Variants in NBEA observed in about 807,000 individuals in gnomAD.
NBEA encodes the protein neurobeachin.
A neutral mutation model predicts 343.4 loss-of-function variants in NBEA; 44 were observed. The ratio of observed to expected loss-of-function variants is 0.13; its 90% CI spans 0.10 to 0.16. The LOEUF (loss-of-function observed/expected upper bound fraction) is 0.16. Ranked by LOEUF, NBEA falls within the 10% of genes least tolerant of loss-of-function variation. The probability of loss-of-function intolerance (pLI) is 1.00; values close to 1 mark genes in which losing one functional copy is unlikely to be tolerated. For missense variants in NBEA, 2,555 were observed against 3,631.3 expected, an observed-to-expected ratio of 0.70 and a Z score of 7.62; for synonymous variants, 1,175 against 1,238.7, an observed-to-expected ratio of 0.95 and a Z score of 1.08.
chr13:35,293,126 A>G (rs532470396), intron 35 of NBEA, among the ~76,000 whole-genome samples: 36 of 152,070 alleles, frequency 2.4e-4, no homozygotes, highest in Admixed American at 1.5e-3. Flanking sequence ...GTTTGTGCCC[A>G]AAATATGGTC....
intron 2 of NBEA, among the ~76,000 whole-genome samples, chr13:35,041,593 A>G (rs935809322): frequency 6.6e-6 from 1 of 152,054 alleles, no homozygotes; most frequent in Admixed American, 6.6e-5. Context: ...AGGAGGTACT[A>G]AAAGCCTTAT....
chr13:35,004,378 T>C (rs900045019), intron 1 of NBEA, among the ~76,000 whole-genome samples: 14 of 152,174 alleles, frequency 9.2e-5, no homozygotes, highest in African/African-American at 3.4e-4. Flanking sequence ...TGCTTTGTCT[T>C]CTAATGTAGA....
Position 35,438,425 on chromosome 13 carries a change from A to G in NBEA, c.6304+6032A>G, listed in dbSNP as rs189298081. On this transcript the variant is annotated intron_variant, in intron 39 of 58. Coordinates refer to ENST00000379939, the MANE Select transcript of NBEA (RefSeq NM_001385012.1). ...AGAAAAATACTAAGACAGCTATACAATTGTTGAGAAAGAAGCTATCAAGTA... is the reference window on the plus strand; with the variant it reads ...AGAAAAATACTAAGACAGCTATACAGTTGTTGAGAAAGAAGCTATCAAGTA... Among the ~76,000 whole-genome samples the G allele has an allele frequency of 7.9e-5, 12 of 152,364 alleles. No individual in the cohort carries two copies. In the East Asian group the frequency reaches 2.1e-3, roughly 27 times the overall value.
intron 10 of NBEA, among the ~76,000 whole-genome samples, chr13:35,080,155 G>A (rs74051243): frequency 6.6e-6 from 1 of 151,974 alleles, no homozygotes; most frequent in Non-Finnish European, 1.5e-5. Context: ...GAGAGTATAG[G>A]GGTCATGTAC....
At chr13:35,161,131 A>G (rs779260239) in intron 22 of NBEA, among the ~76,000 whole-genome samples, 1 of 152,190 alleles carries the variant, frequency 6.6e-6, no homozygotes, top group Non-Finnish European at 1.5e-5. Context: ...AGCATATTGA[A>G]TTAGATACAG....
At position 35,056,042 on chromosome 13, in the gene NBEA, T is replaced by C; in HGVS notation, c.1005T>C (p.Asn335=). 1 of 1,605,102 alleles carries C rather than the reference T, an allele frequency of 6.2e-7. No individual in the cohort carries two copies. Among genetic ancestry groups the C allele is most frequent in the Non-Finnish European group, 8.5e-7 (1 of 1,174,948 alleles). ...TGATCAGCATTGTCCACATTTACAA[T>C]CGATGGAGGAACAGTGAAATTCGGT... ...WYMISIVHIY[N]RWRNSEIRCY... Residue 335 remains asparagine (N), a synonymous_variant, in exon 7 of 59, where the codon AAT becomes AAC. Coordinates refer to ENST00000379939, the MANE Select transcript of NBEA (RefSeq NM_001385012.1).
intron 16 of NBEA, 83 bp from the exon 17 acceptor site, chr13:35,123,399 G>A (rs2066906386): frequency 7.7e-6 from 5 of 647,066 alleles, no homozygotes; most frequent in Non-Finnish European, 1.2e-5. Context: ...TTTCACATAT[G>A]TATAATTTAT....
chr13:35,365,071 TG>T (rs1236367513), intron 38 of NBEA, among the ~76,000 whole-genome samples: 1 of 151,718 alleles, frequency 6.6e-6, no homozygotes, highest in Non-Finnish European at 1.5e-5. Context: ...GTCTGTTATT[TG>T]ACATGAAGGA....
At chr13:35,285,476 T>C (rs1430783273) in intron 34 of NBEA, among the ~76,000 whole-genome samples, 1 of 152,152 alleles carries the variant, frequency 6.6e-6, no homozygotes, top group African/African-American at 2.4e-5. Context: ...AGGAGAAATA[T>C]TGTCTATAAT....
intron 10 of NBEA, among the ~76,000 whole-genome samples, chr13:35,084,399 A>C (rs990254743): frequency 6.6e-5 from 10 of 152,234 alleles, no homozygotes; most frequent in Admixed American, 1.3e-4. Flanking sequence ...ACCACAGTGC[A>C]GTCAAACTAG....
intron 41 of NBEA, among the ~76,000 whole-genome samples, chr13:35,503,560 T>A (rs1170730326): frequency 6.6e-6 from 1 of 152,022 alleles, no homozygotes; most frequent in Non-Finnish European, 1.5e-5. Context: ...TTCTCTATTT[T>A]AAATACTGTA....
At chr13:35,142,715 C>T (rs1027190762) in intron 18 of NBEA, among the ~76,000 whole-genome samples, 9 of 151,978 alleles carry the variant, frequency 5.9e-5, no homozygotes, top group Non-Finnish European at 1.0e-4. Context: ...TTTATCCTCT[C>T]GTTCCTACTC....
chr13:35,432,820 T>C (rs1041680311), intron 39 of NBEA, among the ~76,000 whole-genome samples: 3 of 152,038 alleles, frequency 2.0e-5, no homozygotes, highest in African/African-American at 7.2e-5. Flanking sequence ...TGCATTAATA[T>C]ACATATACAC....
At position 35,290,467 on chromosome 13, in the gene NBEA, A is replaced by T; in HGVS notation, c.5838+17A>T. The T allele has an allele frequency of 3.2e-6, 5 of 1,584,004 alleles. No homozygotes were observed. The highest frequency in any genetic ancestry group is 4.3e-6 in the Non-Finnish European group (5 of 1,156,046). ...TGTTCTCAGGTACAAAATCCCATTC[A>T]CTCAGTTACATTAATATATGAGGGT... On this transcript the variant is annotated intron_variant, in intron 35 of 58. Coordinates refer to ENST00000379939, the MANE Select transcript of NBEA (RefSeq NM_001385012.1).
intron 35 of NBEA, among the ~76,000 whole-genome samples, chr13:35,302,230 AG>A (rs1244893198): frequency 6.6e-6 from 1 of 152,184 alleles, no homozygotes; most frequent in African/African-American, 2.4e-5. Flanking sequence ...CTCAGGCTCC[AG>A]GGGGCTGGAC....
At chr13:35,293,371 T>G (rs1566577142) in intron 35 of NBEA, among the ~76,000 whole-genome samples, 1 of 152,038 alleles carries the variant, frequency 6.6e-6, no homozygotes, top group Non-Finnish European at 1.5e-5. Flanking sequence ...TATTCTGGAT[T>G]TTTTTCTGAT....
At chr13:35,061,877 C>T (rs2063480503) in intron 8 of NBEA, among the ~76,000 whole-genome samples, 2 of 151,532 alleles carry the variant, frequency 1.3e-5, no homozygotes, top group Non-Finnish European at 3.0e-5. Flanking sequence ...GGAGGGTAGT[C>T]AAAATATGGA....
chr13:35,494,408 A>G (rs917838337), intron 41 of NBEA, among the ~76,000 whole-genome samples: 2 of 152,038 alleles, frequency 1.3e-5, no homozygotes, highest in East Asian at 3.9e-4. Context: ...TGAAAAATAA[A>G]TCTGTAGTCT....
At chr13:35,273,328 A>G (rs936101990) in intron 34 of NBEA, among the ~76,000 whole-genome samples, 1 of 152,254 alleles carries the variant, frequency 6.6e-6, no homozygotes, top group Non-Finnish European at 1.5e-5. Context: ...TCAATGTACT[A>G]GAATCTCTGG....
Sources: gnomAD v4.1 joint callset for allele counts (sites outside exome capture counted in the v4.1 genomes callset) on GRCh38, gnomAD v4.1.1 for gene constraint, MANE v1.5 for transcripts, NCBI Gene and HGNC (gene_info 2026-07-23, HGNC 2026-07-21) for gene names.